Variants in RPS6KC1 observed in about 807,000 individuals in gnomAD.
The protein encoded by RPS6KC1 is ribosomal protein S6 kinase C1, also known as inactive ribosomal protein S6 kinase delta-1.
In RPS6KC1, 54 loss-of-function variants were observed where a neutral mutation model predicts 103.8. That is an observed-to-expected ratio of 0.52 (90% CI 0.42 to 0.65). The LOEUF (loss-of-function observed/expected upper bound fraction) is 0.65. Among genes scored for constraint, RPS6KC1 ranks in the 30% least tolerant of loss-of-function variants. The pLI is 0.00. For missense variants in RPS6KC1, 1,151 were observed against 1,253.8 expected (o/e 0.92, Z 1.24); for synonymous variants, 439 against 438.7 (o/e 1.00, Z -0.01).
chr1:213,205,108 C>T (rs1279456640), intron 8 of RPS6KC1: 1 of 231,310 alleles, frequency 4.3e-6, no homozygotes, highest in Non-Finnish European at 7.1e-6. Flanking sequence ...TGGATCCATG[C>T]TCTAAGTAGA....
intron 3 of RPS6KC1, among the ~76,000 whole-genome samples, chr1:213,089,465 G>T (rs1394942787): frequency 2.8e-4 from 40 of 141,934 alleles, no homozygotes; most frequent in East Asian, 1.2e-3. Flanking sequence ...TTTGCTGTTT[G>T]TTTTTTTTTT....
chr1:213,115,201 T>G (rs1331528116), intron 4 of RPS6KC1, among the ~76,000 whole-genome samples: 1 of 152,150 alleles, frequency 6.6e-6, no homozygotes, highest in Non-Finnish European at 1.5e-5. Context: ...TTTTGGTTGG[T>G]AAGCTATTGA....
At chr1:213,225,659 G>T (rs1171660552) in intron 8 of RPS6KC1, among the ~76,000 whole-genome samples, 2 of 152,278 alleles carry the variant, frequency 1.3e-5, no homozygotes, top group Non-Finnish European at 2.9e-5. Flanking sequence ...AAAATGCTGG[G>T]ATTACAGGTG....
the RPS6KC1 span, among the ~76,000 whole-genome samples, chr1:213,286,017 G>A: frequency 2.6e-5 from 4 of 152,142 alleles, no homozygotes; most frequent in Non-Finnish European, 4.4e-5. Flanking sequence ...AGGCAGAACC[G>A]TCTGACGTGG....
the RPS6KC1 span, among the ~76,000 whole-genome samples, chr1:213,447,247 T>G: frequency 6.6e-6 from 1 of 151,980 alleles, no homozygotes; most frequent in Non-Finnish European, 1.5e-5. Flanking sequence ...TGAAATTTTT[T>G]GTAGAGATGG....
At chr1:213,446,471 T>C in the RPS6KC1 span, among the ~76,000 whole-genome samples, 1 of 152,342 alleles carries the variant, frequency 6.6e-6, no homozygotes, top group Admixed American at 6.5e-5. Flanking sequence ...CTGCAGTCTT[T>C]AAGGTAGAAT....
chr1:213,364,686 G>T, the RPS6KC1 span, among the ~76,000 whole-genome samples: 1 of 152,128 alleles, frequency 6.6e-6, no homozygotes. Flanking sequence ...AGGTGCAGTG[G>T]CTCACACCTG....
At chr1:213,343,391 GTATATATATA>G in the RPS6KC1 span, among the ~76,000 whole-genome samples, 718 of 65,886 alleles carry the variant, frequency 0.011, 41 homozygotes, top group African/African-American at 0.029. Context: ...AGTGTTGTGT[GTATATATATA>G]TATATATATA....
the RPS6KC1 span, among the ~76,000 whole-genome samples, chr1:213,473,584 G>A: frequency 2.8e-4 from 42 of 152,270 alleles, no homozygotes; most frequent in African/African-American, 9.9e-4. Context: ...TTTGCTTTAA[G>A]CAAATTCCTA....
chr1:213,831,642 T>C, the RPS6KC1 span, among the ~76,000 whole-genome samples: 1 of 152,218 alleles, frequency 6.6e-6, no homozygotes, highest in South Asian at 2.1e-4. Flanking sequence ...TTTGTGTTTG[T>C]ATTATAATAA....
the RPS6KC1 span, among the ~76,000 whole-genome samples, chr1:213,595,296 C>T: frequency 6.6e-6 from 1 of 152,154 alleles, no homozygotes; most frequent in Admixed American, 6.6e-5. Flanking sequence ...CTGAAATTTC[C>T]ACCTCCAACC....
At chr1:213,711,908 C>T in the RPS6KC1 span, among the ~76,000 whole-genome samples, 2 of 152,180 alleles carry the variant, frequency 1.3e-5, no homozygotes. Context: ...AAGGGCACCC[C>T]TCAGATGCCA....
At chr1:213,197,923 T>G (rs1177505673) in intron 8 of RPS6KC1, among the ~76,000 whole-genome samples, 1 of 152,184 alleles carries the variant, frequency 6.6e-6, no homozygotes, top group Admixed American at 6.5e-5. Flanking sequence ...ATCTTTCACA[T>G]GGAGCATTTA....
At chr1:213,232,608 A>G (rs1311559721) in intron 10 of RPS6KC1, among the ~76,000 whole-genome samples, 1 of 152,250 alleles carries the variant, frequency 6.6e-6, no homozygotes, top group East Asian at 1.9e-4. Context: ...ACATTATGTT[A>G]GATGACTAAA....
At chr1:213,805,776 G>A in the RPS6KC1 span, among the ~76,000 whole-genome samples, 13 of 152,292 alleles carry the variant, frequency 8.5e-5, no homozygotes, top group East Asian at 2.3e-3. Flanking sequence ...GATTTTAATT[G>A]ACTTTGGCCA....
At chr1:213,452,918 C>T in the RPS6KC1 span, among the ~76,000 whole-genome samples, 5 of 152,190 alleles carry the variant, frequency 3.3e-5, no homozygotes, top group East Asian at 3.9e-4. Context: ...TGGCTGGTTC[C>T]GCTTTGCTTG....
chr1:213,211,679 G>A (rs2093511085), intron 8 of RPS6KC1, among the ~76,000 whole-genome samples: 1 of 152,104 alleles, frequency 6.6e-6, no homozygotes, highest in South Asian at 2.1e-4. Context: ...TCACTAAATC[G>A]TTAACTTCAC....
chr1:213,094,244 CATGAT>C (rs2081254476), intron 3 of RPS6KC1, among the ~76,000 whole-genome samples: 1 of 152,126 alleles, frequency 6.6e-6, no homozygotes, highest in Admixed American at 6.5e-5. Flanking sequence ...ATGCAGACAT[CATGAT>C]ATTTCATCCC....
chr1:213,361,749 C>T, the RPS6KC1 span, among the ~76,000 whole-genome samples: 3 of 152,352 alleles, frequency 2.0e-5, no homozygotes, highest in Admixed American at 1.3e-4. Context: ...TTTACAAAGA[C>T]GCACTCCAGG....
Sources: gnomAD v4.1 joint callset for allele counts (sites outside exome capture counted in the v4.1 genomes callset) on GRCh38, gnomAD v4.1.1 for gene constraint, MANE v1.5 for transcripts, NCBI Gene and HGNC (gene_info 2026-07-23, HGNC 2026-07-21) for gene names.